Variants in STK24 observed in about 807,000 individuals in gnomAD.
STK24 encodes serine/threonine kinase 24, also known as serine/threonine-protein kinase 24.
A neutral mutation model predicts 55.6 loss-of-function variants in STK24; 21 were observed. That is an observed-to-expected ratio of 0.38 (90% CI 0.27 to 0.54). The LOEUF is 0.54. Ranked by LOEUF, STK24 falls within the 20% of genes least tolerant of loss-of-function variation. The probability of loss-of-function intolerance (pLI) is 0.79; values close to 1 mark genes in which losing one functional copy is unlikely to be tolerated. For missense variants in STK24, 383 were observed against 538.4 expected (o/e 0.71, Z 2.86); for synonymous variants, 200 against 215.2 (o/e 0.93, Z 0.62).
intron 2 of STK24, among the ~76,000 whole-genome samples, chr13:98,496,828 G>A (rs887334824): frequency 8.5e-5 from 13 of 152,178 alleles, no homozygotes; most frequent in Admixed American, 3.3e-4. Flanking sequence ...CACAGAAACA[G>A]GACAGACATT....
chr13:98,456,274 A>G (rs545324980), intron 10 of STK24: 39 of 348,212 alleles, frequency 1.1e-4, no homozygotes, highest in South Asian at 8.3e-4. Context: ...CACGTGTGCA[A>G]AACTTCTTTA....
At chr13:98,510,801 A>G (rs1033188651) in intron 2 of STK24, among the ~76,000 whole-genome samples, 5 of 152,206 alleles carry the variant, frequency 3.3e-5, no homozygotes, top group African/African-American at 1.2e-4. Flanking sequence ...CGAGGGGATG[A>G]AATGTTCTAA....
At chr13:98,462,411 C>G (rs558013851) in intron 7 of STK24, among the ~76,000 whole-genome samples, 1 of 152,124 alleles carries the variant, frequency 6.6e-6, no homozygotes, top group Non-Finnish European at 1.5e-5. Flanking sequence ...GCTCCCTCCC[C>G]CATCATGAGA....
chr13:98,482,235 T>C (rs528495287), intron 3 of STK24, 30 bp downstream of exon 3: 3 of 1,344,480 alleles, frequency 2.2e-6, no homozygotes, highest in South Asian at 2.8e-5. Context: ...AAAGCTTTGA[T>C]ACGTATTCTG....
In STK24 at chr13:98,460,364, G is replaced by A. The variant is rs1157630531; in HGVS notation, c.1122+8C>T. On this transcript the variant is annotated splice_region_variant and intron_variant, in intron 9 of 10. Coordinates refer to ENST00000539966, the MANE Select transcript of STK24 (RefSeq NM_001032296.4). The stretch of plus-strand genomic sequence containing the variant: ...CTCCCACTCCGAAAAGGCCAGCCAG[G>A]TACCTACCTCTGCAAACAGAGGAGA... 6.2e-7 allele frequency: 1 copy of A among 1,612,694 alleles called. No homozygotes were observed. Among genetic ancestry groups the A allele is most frequent in the African/African-American group, 1.3e-5 (1 of 75,012 alleles).
At chr13:98,460,245 G>A (rs1893643836) in intron 9 of STK24, 127 bp downstream of exon 9, 6 of 890,172 alleles carry the variant, frequency 6.7e-6, no homozygotes, top group Non-Finnish European at 1.1e-5. Context: ...CACCATGCAG[G>A]CTTTCCGAGC....
intron 1 of STK24, chr13:98,553,778 G>A (rs1897214787): frequency 6.6e-6 from 1 of 152,322 alleles, no homozygotes; most frequent in African/African-American, 2.4e-5. Context: ...GGAGGAACAG[G>A]AGGCTTGGCG....
intron 2 of STK24, among the ~76,000 whole-genome samples, chr13:98,504,639 C>T (rs779862287): frequency 5.9e-5 from 9 of 152,138 alleles, no homozygotes; most frequent in African/African-American, 2.2e-4. Context: ...GCTGTGGAGT[C>T]GTCGGTGACT....
chr13:98,570,965 T>C lies in STK24; in HGVS notation c.42+5780A>G, dbSNP rs372015665. ...CACTCACACCACCCACAAGATTCCA[T>C]TAATGATAATCAGCTGAGCTAAGGC... On this transcript the variant is annotated intron_variant, in intron 1 of 10. Coordinates refer to ENST00000539966, the MANE Select transcript of STK24 (RefSeq NM_001032296.4). 3.9e-5 allele frequency among the ~76,000 whole-genome samples: 6 copies of C among 152,316 alleles called. No individual in the cohort carries two copies. The East Asian group carries it at 1.2e-3, about 29-fold the overall frequency.
intron 1 of STK24, among the ~76,000 whole-genome samples, chr13:98,542,141 T>C (rs1213078683): frequency 6.6e-6 from 1 of 152,198 alleles, no homozygotes; most frequent in East Asian, 1.9e-4. Context: ...CTGCGTTATT[T>C]TCTGGACATG....
At chr13:98,567,221 T>A (rs148905345) in intron 1 of STK24, among the ~76,000 whole-genome samples, 1 of 152,370 alleles carries the variant, frequency 6.6e-6, no homozygotes, top group Non-Finnish European at 1.5e-5. Flanking sequence ...CAGACACCAC[T>A]GACTCTGCAA....
chr13:98,535,394 TGTATACAC>T (rs1566392195), intron 1 of STK24, among the ~76,000 whole-genome samples: 128 of 104,126 alleles, frequency 1.2e-3, no homozygotes, highest in African/African-American at 4.6e-3. Flanking sequence ...TATATATGTG[TGTATACAC>T]ACACACACAC....
chr13:98,563,341 G>A (rs1415138474), intron 1 of STK24, among the ~76,000 whole-genome samples: 1 of 152,148 alleles, frequency 6.6e-6, no homozygotes. Flanking sequence ...ACCGAGGCCA[G>A]GAAATGCAAG....
chr13:98,477,970 T>C (rs1261514691), intron 3 of STK24, among the ~76,000 whole-genome samples: 1 of 152,030 alleles, frequency 6.6e-6, no homozygotes, highest in East Asian at 1.9e-4. Flanking sequence ...CTGAACACCA[T>C]CCATCATTGA....
chr13:98,542,528 C>A (rs1031754181), intron 1 of STK24, among the ~76,000 whole-genome samples: 1 of 151,876 alleles, frequency 6.6e-6, no homozygotes, highest in Non-Finnish European at 1.5e-5. Context: ...CTCATACTCA[C>A]AGAGCACTCT....
At chr13:98,474,692 A>T (rs1449230181) in intron 5 of STK24, 129 bp downstream of exon 5, 1 of 1,199,780 alleles carries the variant, frequency 8.3e-7, no homozygotes, top group Non-Finnish European at 1.2e-6. Flanking sequence ...AAGGTTGAAG[A>T]ATTACCTTTA....
In STK24 at chr13:98,576,820, G is replaced by A. The variant is rs1364253793; in HGVS notation, c.-34C>T. ...GGACGGCCACTTCCTGGGACGGGAC[G>A]GCCGGGCCGCGACGATCCGCGCGGG... On this transcript the variant is annotated 5_prime_UTR_variant, in exon 1 of 11. Transcript: ENST00000539966. 1 of 1,254,556 alleles carries A rather than the reference G, an allele frequency of 8.0e-7. No individual in the cohort carries two copies. The highest frequency in any genetic ancestry group is 1.0e-6 in the Non-Finnish European group (1 of 996,044). The allele number at this position is 1,254,556 out of a possible 1,614,324, so 77.7% of individuals were successfully genotyped here. A position where few individuals can be genotyped will look rare whatever the true frequency, so the allele number is the denominator to read the frequency against.
chr13:98,550,031 G>A (rs369418212), intron 1 of STK24, among the ~76,000 whole-genome samples: 4 of 152,184 alleles, frequency 2.6e-5, no homozygotes, highest in East Asian at 3.9e-4. Flanking sequence ...ACTTCCACAG[G>A]TGGGTCGTCT....
intron 3 of STK24, among the ~76,000 whole-genome samples, chr13:98,481,506 C>T (rs771042230): frequency 4.2e-4 from 64 of 152,202 alleles, no homozygotes; most frequent in Admixed American, 2.8e-3. Flanking sequence ...ATCCGACATC[C>T]GACCTTCATA....
Sources: allele counts gnomAD v4.1 joint callset (sites outside exome capture counted in the v4.1 genomes callset), GRCh38; gene constraint gnomAD v4.1.1; transcripts MANE v1.5; gene names NCBI Gene and HGNC (gene_info 2026-07-23, HGNC 2026-07-21).